Variants in FBXO21 observed in about 807,000 individuals in gnomAD.
The protein encoded by FBXO21 is F-box only protein 21.
Under a neutral mutation model 76.6 loss-of-function variants are expected in FBXO21, and 32 were observed. That is an observed-to-expected ratio of 0.42 (90% CI 0.32 to 0.56). The LOEUF (loss-of-function observed/expected upper bound fraction) is 0.56, where lower values mean the gene tolerates loss of function less well. Among genes scored for constraint, FBXO21 ranks in the 20% least tolerant of loss-of-function variants. The probability of loss-of-function intolerance (pLI) is 0.16; values close to 1 mark genes in which losing one functional copy is unlikely to be tolerated. For synonymous variants in FBXO21, 328 were observed against 311.5 expected (o/e 1.05, Z -0.56); for missense variants, 586 against 797.3 (o/e 0.73, Z 3.19).
In FBXO21 at chr12:117,147,309, A is replaced by AG. The variant is rs1314765009; in HGVS notation, c.1676-1033_1676-1032insC. On this transcript the variant is annotated intron_variant, in intron 11 of 11. Transcript: ENST00000622495. ...AAAATGGAAAAAAAAAAAAAAAAAG[A>AG]AAAAAAAAAGGGCCAGGTGCAGTGG... Among the ~76,000 whole-genome samples the AG allele has an allele frequency of 1.4e-3, 85 of 60,646 alleles. No homozygotes were observed. The South Asian group carries it at 0.029, about 21-fold the overall frequency. The allele number at this position is 60,646 out of a possible 152,430, so 39.8% of individuals were successfully genotyped here. A position where few individuals can be genotyped will look rare whatever the true frequency, so the allele number is the denominator to read the frequency against.
chr12:117,182,747 G>A (rs1956247466), intron 3 of FBXO21, among the ~76,000 whole-genome samples: 2 of 151,582 alleles, frequency 1.3e-5, no homozygotes, highest in Admixed American at 1.3e-4. Flanking sequence ...ATTTTTAGTA[G>A]AGGCAGGGTT....
intron 6 of FBXO21, among the ~76,000 whole-genome samples, chr12:117,173,702 C>T (rs1463965283): frequency 1.3e-5 from 2 of 152,134 alleles, no homozygotes; most frequent in Non-Finnish European, 2.9e-5. Context: ...CAAGGGTTTG[C>T]ATATGGAGGA....
At chr12:117,150,905 G>GTGTGTGTGTGTGT in intron 11 of FBXO21, among the ~76,000 whole-genome samples, 1 of 148,316 alleles carries the variant, frequency 6.7e-6, no homozygotes, top group Non-Finnish European at 1.5e-5. Context: ...GTGTGTGTCA[G>GTGTGTGTGTGTGT]GCGGGAGGAC....
intron 1 of FBXO21, 98 bp from the exon 2 acceptor site, chr12:117,189,460 CAGTG>C: frequency 7.2e-7 from 1 of 1,383,444 alleles, no homozygotes; most frequent in South Asian, 1.2e-5. Flanking sequence ...CAGTGGCGTC[CAGTG>C]GTAAGAGGGA....
chr12:117,184,679 G>C (rs1292724901), intron 3 of FBXO21, among the ~76,000 whole-genome samples: 2 of 152,196 alleles, frequency 1.3e-5, no homozygotes, highest in African/African-American at 2.4e-5. Flanking sequence ...CTTGGACCCA[G>C]GAGGCAGAGG....
intron 6 of FBXO21, among the ~76,000 whole-genome samples, chr12:117,173,258 T>C (rs1956136421): frequency 6.6e-6 from 1 of 152,192 alleles, no homozygotes; most frequent in South Asian, 2.1e-4. Flanking sequence ...CTCGAACTCC[T>C]GACCTCAGGT....
At chr12:117,148,205 A>C (rs1411013752) in intron 11 of FBXO21, among the ~76,000 whole-genome samples, 1 of 152,110 alleles carries the variant, frequency 6.6e-6, no homozygotes, top group Non-Finnish European at 1.5e-5. Flanking sequence ...GAAATGTGAG[A>C]ATATGTTGTT....
At chr12:117,155,580 G>T (rs760238006) in intron 11 of FBXO21, 341 of 610,310 alleles carry the variant, frequency 5.6e-4, no homozygotes, top group Middle Eastern at 1.6e-3. Context: ...CTGGGGGAGG[G>T]CGGGTATGAC....
rs1955737209 is a variant in FBXO21 at position 117,143,551 on chromosome 12, C to A, written c.*2536G>T. ...GTGTTTTAACATAATTCAGAAAGTG[C>A]AATCTTTGCATGACAACCAGATAAT... On this transcript the variant is annotated 3_prime_UTR_variant, in exon 12 of 12. Transcript: ENST00000622495. 1 of 152,192 alleles carries A rather than the reference C, an allele frequency of 6.6e-6. No homozygotes were observed. The highest frequency in any genetic ancestry group is 2.4e-5 in the African/African-American group (1 of 41,444). The allele number at this position is 152,192 out of a possible 1,614,324, so 9.4% of individuals were successfully genotyped here.
intron 3 of FBXO21, among the ~76,000 whole-genome samples, chr12:117,180,303 T>C (rs1157961341): frequency 6.6e-6 from 1 of 152,226 alleles, no homozygotes; most frequent in Non-Finnish European, 1.5e-5. Flanking sequence ...TTCTAGATCT[T>C]TTCAGCAAAC....
intron 11 of FBXO21, among the ~76,000 whole-genome samples, chr12:117,148,698 ACAGTCCCATTC>A (rs1245894659): frequency 2.6e-5 from 4 of 152,226 alleles, no homozygotes; most frequent in South Asian, 4.1e-4. Context: ...CTCAAACCAG[ACAGTCCCATTC>A]CAGGGCTGAA....
chr12:117,162,787 C>T (rs1157727461), intron 9 of FBXO21, among the ~76,000 whole-genome samples: 2 of 152,216 alleles, frequency 1.3e-5, no homozygotes, highest in African/African-American at 2.4e-5. Context: ...CCTCAAACTG[C>T]ACACTCATCA....
intron 8 of FBXO21, 132 bp from the exon 9 acceptor site, chr12:117,165,749 G>A: frequency 1.2e-6 from 1 of 849,838 alleles, no homozygotes; most frequent in South Asian, 2.5e-5. Flanking sequence ...TTTCTTCTCA[G>A]CTCAACGAAG....
rs146821055 is a variant in FBXO21, at chr12:117,163,126, G to A, written c.1326+2359C>T. ...TTTCTCCCCTAATCTCTGAATGAGG[G>A]GTCACCCAAGAGATGGACTCCAGCA... On this transcript the variant is annotated intron_variant, in intron 9 of 11. Coordinates refer to ENST00000622495, the MANE Select transcript of FBXO21 (RefSeq NM_015002.3). 5.0e-3 allele frequency among the ~76,000 whole-genome samples: 767 copies of A among 152,252 alleles called. 7 individuals are homozygous for A. Among genetic ancestry groups the A allele is most frequent in the African/African-American group, 0.014 (594 of 41,544 alleles).
intron 11 of FBXO21, among the ~76,000 whole-genome samples, chr12:117,148,777 G>A (rs1267539978): frequency 3.3e-5 from 5 of 152,164 alleles, no homozygotes; most frequent in African/African-American, 1.2e-4. Context: ...GGAGGGGCTG[G>A]GTAGACTCAG....
At chr12:117,187,811 C>T (rs939707865) in intron 2 of FBXO21, among the ~76,000 whole-genome samples, 4 of 152,318 alleles carry the variant, frequency 2.6e-5, no homozygotes, top group East Asian at 1.9e-4. Flanking sequence ...CCAAAATCTA[C>T]GTATGTGCAA....
chr12:117,166,195 A>AAAG (rs1345417924), intron 8 of FBXO21, among the ~76,000 whole-genome samples: 1 of 151,840 alleles, frequency 6.6e-6, no homozygotes. Context: ...TGTCTCAAAA[A>AAAG]AAAAAAAAAA....
rs138718060 is a variant in FBXO21 at position 117,180,172 on chromosome 12, C to G, written c.471-2531G>C. Among the ~76,000 whole-genome samples the G allele has an allele frequency of 3.0e-3, 456 of 152,264 alleles. 2 individuals are homozygous for G. The highest frequency in any genetic ancestry group is 0.011 in the African/African-American group (443 of 41,558). On this transcript the variant is annotated intron_variant, in intron 3 of 11. Transcript: ENST00000622495. Reference sequence around the variant, plus strand: ...CACCACCAGGCTCATCTTTTAAAATCCTTGCATTGGACATACAATCAGTCT... The same window carrying G: ...CACCACCAGGCTCATCTTTTAAAATGCTTGCATTGGACATACAATCAGTCT...
chr12:117,189,245 C>A lies in FBXO21; in HGVS notation c.357G>T (p.Lys119Asn). The A allele has an allele frequency of 2.5e-6, 4 of 1,614,230 alleles. No homozygotes were observed. In the South Asian group the frequency reaches 4.4e-5, roughly 18 times the overall value. ...EARKIVASFS[K>N]RFFSEHVPCN... ...TCCTTACGTGCTCTGAAAAGAACCT[C>A]TTTGAGAACGAGGCTACAATCTTCC... Residue 119 changes from lysine (K) to asparagine (N), a missense_variant, in exon 2 of 12, where the codon AAG (lysine) becomes AAT (asparagine). This residue lies in a region of FBXO21 where 246 missense variants were observed against 356.8 expected (regional missense o/e 0.69). Coordinates refer to ENST00000622495, the MANE Select transcript of FBXO21 (RefSeq NM_015002.3).
Sources: gnomAD v4.1 joint callset for allele counts (sites outside exome capture counted in the v4.1 genomes callset) on GRCh38, gnomAD v4.1.1 for gene constraint, gnomAD v4.1.1 regional missense constraint, MANE v1.5 for transcripts, NCBI Gene and HGNC (gene_info 2026-07-23, HGNC 2026-07-21) for gene names.